The following TAS2R13 variants were observed in gnomAD, a reference collection of about 807,000 sequenced individuals.
TAS2R13 encodes the protein taste 2 receptor member 13, also known as taste receptor type 2 member 13.
For synonymous variants in TAS2R13, 129 were observed against 125.5 expected (o/e 1.03, Z -0.19); for missense variants, 384 against 347.5 (o/e 1.11, Z -0.84).
chr12:10,908,407 T>C lies in TAS2R13; in HGVS notation c.892A>G (p.Lys298Glu), dbSNP rs748693522. The C allele has an allele frequency of 2.5e-6, 4 of 1,613,012 alleles. No individual in the cohort carries two copies. Among genetic ancestry groups the C allele is most frequent in the East Asian group, 4.5e-5 (2 of 44,866 alleles). The change falls in exon 1 of 1, where the codon AAG becomes GAG. Residue 298 changes from lysine (K) to glutamate (E), a missense_variant. Transcript: ENST00000390677. ...GTTTCTCATCGTTTAGCCCATACCT[T>C]AGCTGCCACCAAAAGAAAGGCCTGT... ...LRQAFLLVAA[K>E]VWAKR
Position 10,908,479 on chromosome 12 carries a change from G to A in TAS2R13, c.820C>T (p.Pro274Ser). 1 of 1,613,908 alleles carries A rather than the reference G, an allele frequency of 6.2e-7. No homozygotes were observed. The highest frequency in any genetic ancestry group is 8.5e-7 in the Non-Finnish European group (1 of 1,179,936). ...MLCETIGVFS[P>S]SSHSFLLILG... ...ATCAGAAGAAAGGAGTGGCTTGAAG[G>A]AGAGAAGACTCCAATCGTCTCACAA... Residue 274 changes from proline (P) to serine (S), a missense_variant, in exon 1 of 1, where the codon CCT (proline) becomes TCT (serine). Physicochemically the swap from Pro to Ser is moderately conservative, Grantham distance 74. Coordinates refer to ENST00000390677, the MANE Select transcript of TAS2R13 (RefSeq NM_023920.2).
rs1469316852 is a variant in TAS2R13, at chr12:10,909,261, A to G, written c.38T>C (p.Ile13Thr). ...SALPSIFTLV[I>T]IAEFIIGNLS... ...ATTCCCAATTATGAATTCTGCAATT[A>G]TTACAAGAGTGAAGATACTCGGCAG... The change falls in exon 1 of 1, where the codon ATA becomes ACA. Residue 13 changes from isoleucine to threonine, a missense_variant. Ile to Thr is a moderately conservative substitution (Grantham distance 89). Coordinates refer to ENST00000390677, the MANE Select transcript of TAS2R13 (RefSeq NM_023920.2). 6.2e-7 allele frequency: 1 copy of G among 1,613,614 alleles called. No individual in the cohort carries two copies. Among genetic ancestry groups the G allele is most frequent in the South Asian group, 1.1e-5 (1 of 91,028 alleles).
At position 10,909,157 on chromosome 12, in the gene TAS2R13, G is replaced by C; in HGVS notation, c.142C>G (p.Leu48Val). 3 of 1,613,974 alleles carry C rather than the reference G, an allele frequency of 1.9e-6. No individual in the cohort carries two copies. The highest frequency in any genetic ancestry group is 2.5e-6 in the Non-Finnish European group (3 of 1,180,000). The change falls in exon 1 of 1, where the codon CTC becomes GTC. Residue 48 changes from leucine to valine, a missense_variant. Leu to Val is a conservative substitution (Grantham distance 32, BLOSUM62 1). Transcript: ENST00000390677. ...ATTCTGGAGATTGCCAAGATAATGA[G>C]GAGTTTATCGACTGAGGACAGCTCT... ...KRELSSVDKL[L>V]IILAISRIGL... is the part of the protein sequence containing the mutation.
In TAS2R13 at chr12:10,909,272, G is replaced by A; in HGVS notation, c.27C>T (p.Phe9=). The change falls in exon 1 of 1, where the codon TTC becomes TTT. Residue 9 remains phenylalanine, a synonymous_variant. Coordinates refer to ENST00000390677, the MANE Select transcript of TAS2R13 (RefSeq NM_023920.2). MESALPSI[F]TLVIIAEFII... ...TGAATTCTGCAATTATTACAAGAGT[G>A]AAGATACTCGGCAGGGCACTTTCCA... 6.2e-7 allele frequency: 1 copy of A among 1,613,130 alleles called. No individual in the cohort carries two copies. The highest frequency in any genetic ancestry group is 8.5e-7 in the Non-Finnish European group (1 of 1,179,422).
Sources: allele counts gnomAD v4.1 joint callset, GRCh38; gene constraint gnomAD v4.1.1; transcripts MANE v1.5; gene names NCBI Gene and HGNC (gene_info 2026-07-23, HGNC 2026-07-21).